Variants in KCNH8 observed in about 807,000 individuals in gnomAD.
KCNH8 encodes the protein potassium voltage-gated channel subfamily H member 8.
In KCNH8, 70 loss-of-function variants were observed where a neutral mutation model predicts 103.6. That is an observed-to-expected ratio of 0.68 (90% CI 0.56 to 0.82). The LOEUF (loss-of-function observed/expected upper bound fraction) is 0.82. KCNH8 is among the 40% of genes least tolerant of loss of function. KCNH8 has a pLI of 0.00. For synonymous variants in KCNH8, 498 were observed against 489.4 expected (o/e 1.02, Z -0.23); for missense variants, 1,217 against 1,329.9 (o/e 0.92, Z 1.32).
At chr3:19,380,229 G>T (rs1435565226) in intron 5 of KCNH8, among the ~76,000 whole-genome samples, 1 of 152,148 alleles carries the variant, frequency 6.6e-6, no homozygotes, top group Non-Finnish European at 1.5e-5. Flanking sequence ...GATAAACTAT[G>T]TAAGAACCTA....
chr3:19,318,615 T>C (rs1204437340), intron 3 of KCNH8, among the ~76,000 whole-genome samples: 7 of 150,546 alleles, frequency 4.6e-5, no homozygotes, highest in Admixed American at 4.6e-4. Flanking sequence ...TGTTCCTTTT[T>C]ATGGCTGAGT....
At chr3:19,343,929 A>G (rs980001457) in intron 4 of KCNH8, among the ~76,000 whole-genome samples, 9 of 151,736 alleles carry the variant, frequency 5.9e-5, no homozygotes, top group Non-Finnish European at 8.8e-5. Flanking sequence ...TTGTCCTCCA[A>G]GGACCATCAA....
At position 19,507,055 on chromosome 3, in the gene KCNH8, G is replaced by A. The variant is rs1025291265; in HGVS notation, c.2041-3308G>A. On this transcript the variant is annotated intron_variant, in intron 11 of 15. Coordinates refer to ENST00000328405, the MANE Select transcript of KCNH8 (RefSeq NM_144633.3). The stretch of plus-strand genomic sequence containing the variant: ...GACCTCTGCCTCAGAGAAACACAGC[G>A]CCCCTGCCACTGGAAATGTTCAGCC... Among the ~76,000 whole-genome samples, 9 of 152,074 alleles carry A rather than the reference G, an allele frequency of 5.9e-5. 1 individual carries two copies. The highest frequency in any genetic ancestry group is 3.2e-3 in the Middle Eastern group (1 of 316).
intron 3 of KCNH8, among the ~76,000 whole-genome samples, chr3:19,315,831 GA>G (rs1337478175): frequency 1.3e-5 from 2 of 151,658 alleles, no homozygotes; most frequent in African/African-American, 2.4e-5. Context: ...TTCTTTTAAG[GA>G]AAAAAATCAG....
intron 11 of KCNH8, among the ~76,000 whole-genome samples, chr3:19,502,627 T>A (rs1299413527): frequency 6.6e-6 from 1 of 151,926 alleles, no homozygotes; most frequent in Admixed American, 6.6e-5. Flanking sequence ...ACGCCACATA[T>A]CTACAACTAT....
intron 11 of KCNH8, among the ~76,000 whole-genome samples, chr3:19,458,287 G>A (rs2067564866): frequency 6.6e-6 from 1 of 151,840 alleles, no homozygotes; most frequent in South Asian, 2.1e-4. Context: ...AACTACAGGT[G>A]TCTTTTGTGC....
intron 3 of KCNH8, among the ~76,000 whole-genome samples, chr3:19,312,733 A>G (rs1559471743): frequency 6.6e-6 from 1 of 151,964 alleles, no homozygotes; most frequent in Non-Finnish European, 1.5e-5. Flanking sequence ...CTTATACAAA[A>G]TTAAAATTTG....
At chr3:19,334,570 T>TTTTAATTGA (rs556708263) in intron 3 of KCNH8, among the ~76,000 whole-genome samples, 105 of 152,196 alleles carry the variant, frequency 6.9e-4, no homozygotes, top group African/African-American at 2.5e-3. Flanking sequence ...ACAGGCTTTT[T>TTTTAATTGA]TTTAATTGAG....
intron 1 of KCNH8, among the ~76,000 whole-genome samples, chr3:19,164,218 A>G (rs1343956997): frequency 6.6e-6 from 1 of 152,204 alleles, no homozygotes; most frequent in Non-Finnish European, 1.5e-5. Flanking sequence ...CTTGAGAGAC[A>G]AGGAGCCAGA....
intron 1 of KCNH8, among the ~76,000 whole-genome samples, chr3:19,151,555 GA>G (rs1157839487): frequency 6.6e-6 from 1 of 151,810 alleles, no homozygotes; most frequent in African/African-American, 2.4e-5. Flanking sequence ...TTTTATTGGA[GA>G]ATAATAAAAC....
chr3:19,472,843 A>G (rs1250194642), intron 11 of KCNH8, among the ~76,000 whole-genome samples: 1 of 152,230 alleles, frequency 6.6e-6, no homozygotes, highest in African/African-American at 2.4e-5. Flanking sequence ...GATTTAGTCA[A>G]ATAAACAAAA....
At chr3:19,349,465 G>A (rs1023154608) in intron 5 of KCNH8, among the ~76,000 whole-genome samples, 10 of 152,000 alleles carry the variant, frequency 6.6e-5, no homozygotes, top group Non-Finnish European at 1.2e-4. Context: ...CTAAGCCTTC[G>A]TTTTTTGTAG....
chr3:19,395,218 A>G lies in KCNH8; in HGVS notation c.1084A>G (p.Met362Val), dbSNP rs1353433158. The G allele has an allele frequency of 1.9e-6, 3 of 1,608,858 alleles. No individual in the cohort carries two copies. Among genetic ancestry groups the G allele is most frequent in the East Asian group, 2.2e-5 (1 of 44,656 alleles). ...STIVLTLLMS[M>V]FALLAHWMAC... ...TATCGTCCTGACTCTGCTCATGTCCATGTTTGCACTCCTTGCACACTGGAT... is the reference window on the plus strand; with the variant it reads ...TATCGTCCTGACTCTGCTCATGTCCGTGTTTGCACTCCTTGCACACTGGAT... The change falls in exon 7 of 16, where the codon ATG becomes GTG. Residue 362 changes from methionine to valine, a missense_variant. Transcript: ENST00000328405.
At chr3:19,296,851 A>G (rs2065002017) in intron 3 of KCNH8, among the ~76,000 whole-genome samples, 1 of 151,998 alleles carries the variant, frequency 6.6e-6, no homozygotes, top group African/African-American at 2.4e-5. Flanking sequence ...GAAATTAAAT[A>G]TATATTTTTT....
intron 1 of KCNH8, among the ~76,000 whole-genome samples, chr3:19,245,813 G>A (rs1171629400): frequency 6.6e-6 from 1 of 152,158 alleles, no homozygotes; most frequent in Non-Finnish European, 1.5e-5. Context: ...CATACTGAAA[G>A]TGTTTATCAG....
intron 7 of KCNH8, among the ~76,000 whole-genome samples, chr3:19,403,789 T>G (rs1190152308): frequency 6.6e-6 from 1 of 151,878 alleles, no homozygotes; most frequent in Non-Finnish European, 1.5e-5. Flanking sequence ...GTTAAGCAGC[T>G]AATACTTTGT....
intron 3 of KCNH8, among the ~76,000 whole-genome samples, chr3:19,294,419 C>A (rs2064969196): frequency 6.6e-6 from 1 of 151,998 alleles, no homozygotes; most frequent in Admixed American, 6.6e-5. Flanking sequence ...TGGAAAAAAA[C>A]ACATGCAAAA....
At chr3:19,376,273 T>C (rs1046733231) in intron 5 of KCNH8, among the ~76,000 whole-genome samples, 14 of 152,204 alleles carry the variant, frequency 9.2e-5, no homozygotes, top group Non-Finnish European at 1.8e-4. Context: ...TAGGACCCTC[T>C]GAGCCAGGTG....
intron 1 of KCNH8, among the ~76,000 whole-genome samples, chr3:19,232,160 G>A (rs2125238651): frequency 6.6e-6 from 1 of 152,168 alleles, no homozygotes; most frequent in East Asian, 1.9e-4. Context: ...TCACATGGAA[G>A]CCTCTTGCAT....
Sources: allele counts gnomAD v4.1 joint callset (sites outside exome capture counted in the v4.1 genomes callset), GRCh38; gene constraint gnomAD v4.1.1; transcripts MANE v1.5; gene names NCBI Gene and HGNC (gene_info 2026-07-23, HGNC 2026-07-21).